CA10: variants seen among roughly 807,000 people sequenced by gnomAD.
The protein encoded by CA10 is carbonic anhydrase-related protein 10.
CA10 carries 14 observed loss-of-function variants against 44.2 expected under a neutral mutation model. That is an observed-to-expected ratio of 0.32 (90% CI 0.21 to 0.50). CA10 has a LOEUF of 0.50. Ranked by LOEUF, CA10 falls within the 20% of genes least tolerant of loss-of-function variation. The probability of loss-of-function intolerance (pLI) is 0.99; values close to 1 mark genes in which losing one functional copy is unlikely to be tolerated. For missense variants in CA10, 350 were observed against 409.7 expected (o/e 0.85, Z 1.26); for synonymous variants, 159 against 141.6 (o/e 1.12, Z -0.87).
intron 1 of CA10, among the ~76,000 whole-genome samples, chr17:52,113,719 T>C (rs954877922): frequency 6.6e-6 from 1 of 152,256 alleles, no homozygotes; most frequent in South Asian, 2.1e-4. Flanking sequence ...TACTTCCTCT[T>C]ACTGAAGGAA....
At chr17:52,098,029 TG>T (rs1988448036) in intron 1 of CA10, among the ~76,000 whole-genome samples, 2 of 152,098 alleles carry the variant, frequency 1.3e-5, no homozygotes, top group Non-Finnish European at 2.9e-5. Flanking sequence ...TGGCAGGGTG[TG>T]GGAGATACAC....
chr17:51,739,909 T>A (rs1367145509), intron 4 of CA10, among the ~76,000 whole-genome samples: 2 of 152,058 alleles, frequency 1.3e-5, no homozygotes, highest in Admixed American at 6.6e-5. Flanking sequence ...ATCCTAGGAG[T>A]AATTCCAGGG....
intron 3 of CA10, among the ~76,000 whole-genome samples, chr17:51,844,396 T>C (rs1265191990): frequency 2.0e-5 from 3 of 152,192 alleles, no homozygotes; most frequent in African/African-American, 7.2e-5. Context: ...CAAGAATTAG[T>C]GAATAGTTAT....
intron 2 of CA10, among the ~76,000 whole-genome samples, chr17:52,008,748 G>A (rs1985687226): frequency 6.6e-6 from 1 of 151,814 alleles, no homozygotes; most frequent in South Asian, 2.1e-4. Flanking sequence ...AAATGGAACT[G>A]AAACATGAAT....
chr17:51,668,348 G>A (rs1914283254), intron 4 of CA10, among the ~76,000 whole-genome samples: 1 of 152,170 alleles, frequency 6.6e-6, no homozygotes, highest in Non-Finnish European at 1.5e-5. Context: ...GCTCTTGCAG[G>A]CAGAGCTTTA....
At chr17:51,759,432 T>C (rs1310144264) in intron 3 of CA10, among the ~76,000 whole-genome samples, 1 of 148,094 alleles carries the variant, frequency 6.8e-6, no homozygotes, top group African/African-American at 2.4e-5. Flanking sequence ...TTAATATATG[T>C]AAATATGTAA....
At chr17:51,933,123 A>T (rs1322161676) in intron 2 of CA10, among the ~76,000 whole-genome samples, 1 of 152,120 alleles carries the variant, frequency 6.6e-6, no homozygotes, top group South Asian at 2.1e-4. Flanking sequence ...GACCTTCTTC[A>T]TGGTTCCTGT....
chr17:51,698,619 C>T (rs182069053), intron 4 of CA10, among the ~76,000 whole-genome samples: 69 of 152,252 alleles, frequency 4.5e-4, no homozygotes, highest in African/African-American at 1.3e-3. Flanking sequence ...ATACACAATA[C>T]GGTATTGTTA....
At chr17:51,777,055 C>T (rs1434977898) in intron 3 of CA10, among the ~76,000 whole-genome samples, 1 of 152,108 alleles carries the variant, frequency 6.6e-6, no homozygotes, top group Non-Finnish European at 1.5e-5. Context: ...CAAGAGAATT[C>T]ATGTTGGAAA....
intron 3 of CA10, among the ~76,000 whole-genome samples, chr17:51,871,880 A>G (rs7215201): frequency 0.14 from 21,083 of 152,112 alleles, 2,032 homozygotes; most frequent in African/African-American, 0.28. Context: ...TGTACCTTCA[A>G]AGACTCATGT....
intron 4 of CA10, among the ~76,000 whole-genome samples, chr17:51,692,379 C>T (rs1915232814): frequency 1.0e-5 from 1 of 98,450 alleles, no homozygotes; most frequent in Admixed American, 1.1e-4. Flanking sequence ...ATCTATCTAT[C>T]TATCTATCTA....
rs185086604 is a variant in CA10 at position 51,941,803 on chromosome 17, T to C, written c.137-10671A>G. On this transcript the variant is annotated intron_variant, in intron 2 of 8. Transcript: ENST00000451037. ...AGTTCACCAAAACAGTATCAGGTGA[T>C]GATTTCCCACAAATTCAAACATCTG... Among the ~76,000 whole-genome samples, 5 of 152,308 alleles carry C rather than the reference T, an allele frequency of 3.3e-5. 1 individual carries two copies. Among genetic ancestry groups the C allele is most frequent in the Admixed American group, 3.3e-4 (5 of 15,282 alleles).
intron 1 of CA10, among the ~76,000 whole-genome samples, chr17:52,074,986 T>C (rs1987780431): frequency 6.6e-6 from 1 of 152,326 alleles, no homozygotes; most frequent in Admixed American, 6.5e-5. Context: ...TTTATTTACA[T>C]AGTCTCTAGA....
At chr17:51,807,427 T>C (rs1263811629) in intron 3 of CA10, among the ~76,000 whole-genome samples, 1 of 152,194 alleles carries the variant, frequency 6.6e-6, no homozygotes, top group African/African-American at 2.4e-5. Flanking sequence ...AAATGATTTG[T>C]CTAAAATCAC....
intron 1 of CA10, among the ~76,000 whole-genome samples, chr17:52,088,892 T>C (rs1392966892): frequency 6.6e-6 from 1 of 152,212 alleles, no homozygotes; most frequent in Non-Finnish European, 1.5e-5. Context: ...AAGAAAAAAT[T>C]ACCAAGCACA....
chr17:51,921,161 T>C (rs1015773670), intron 3 of CA10, among the ~76,000 whole-genome samples: 2 of 152,190 alleles, frequency 1.3e-5, no homozygotes, highest in African/African-American at 4.8e-5. Flanking sequence ...ACGTCCCATC[T>C]AACCACTGCT....
At chr17:52,132,479 T>A (rs1989263862) in intron 1 of CA10, among the ~76,000 whole-genome samples, 1 of 152,220 alleles carries the variant, frequency 6.6e-6, no homozygotes. Context: ...TCTAAAGTAC[T>A]AAGCACAGTA....
chr17:51,932,953 A>G (rs917435366), intron 2 of CA10, among the ~76,000 whole-genome samples: 1 of 152,032 alleles, frequency 6.6e-6, no homozygotes, highest in African/African-American at 2.4e-5. Context: ...TTATCCCTCA[A>G]TCATCTCAAA....
chr17:51,909,001 C>G (rs1248255290), intron 3 of CA10, among the ~76,000 whole-genome samples: 1 of 152,128 alleles, frequency 6.6e-6, no homozygotes, highest in South Asian at 2.1e-4. Flanking sequence ...TTGACGTCAT[C>G]TGGTTTTCTG....
Sources: allele counts gnomAD v4.1 joint callset (sites outside exome capture counted in the v4.1 genomes callset), GRCh38; gene constraint gnomAD v4.1.1; transcripts MANE v1.5; gene names NCBI Gene and HGNC (gene_info 2026-07-23, HGNC 2026-07-21).